Variants in GXYLT1 observed in about 807,000 individuals in gnomAD.
GXYLT1 encodes glucoside xylosyltransferase 1.
In GXYLT1, 29 loss-of-function variants were observed where a neutral mutation model predicts 54.0. That is an observed-to-expected ratio of 0.54 (90% CI 0.40 to 0.73). GXYLT1 has a LOEUF of 0.73. GXYLT1 is among the 30% of genes least tolerant of loss of function. GXYLT1 has a pLI of 0.00. For missense variants in GXYLT1, 490 were observed against 553.4 expected, an observed-to-expected ratio of 0.89 and a Z score of 1.15; for synonymous variants, 176 against 204.1, an observed-to-expected ratio of 0.86 and a Z score of 1.17.
At chr12:42,126,450 T>C (rs6582381) in intron 2 of GXYLT1, among the ~76,000 whole-genome samples, 78,996 of 151,910 alleles carry the variant, frequency 0.52, 20,979 homozygotes, top group South Asian at 0.7. Flanking sequence ...GCAGGGATTT[T>C]TGATTTTGTT....
intron 1 of GXYLT1, among the ~76,000 whole-genome samples, chr12:42,136,417 T>C (rs2065619604): frequency 6.6e-6 from 1 of 152,186 alleles, no homozygotes; most frequent in Admixed American, 6.5e-5. Context: ...AGCATTAATA[T>C]GAGTTAGGTG....
intron 1 of GXYLT1, among the ~76,000 whole-genome samples, chr12:42,142,207 G>GTA (rs2065655739): frequency 6.6e-6 from 1 of 152,124 alleles, no homozygotes; most frequent in African/African-American, 2.4e-5. Flanking sequence ...AAGAGCTCTT[G>GTA]TATAACACTC....
At chr12:42,095,661 T>A (rs2065351731) in intron 7 of GXYLT1, among the ~76,000 whole-genome samples, 1 of 152,172 alleles carries the variant, frequency 6.6e-6, no homozygotes, top group Admixed American at 6.5e-5. Flanking sequence ...AGATAACAGG[T>A]TACATCTGAG....
chr12:42,109,898 A>C (rs2065442792), intron 3 of GXYLT1, among the ~76,000 whole-genome samples: 1 of 152,228 alleles, frequency 6.6e-6, no homozygotes, highest in Admixed American at 6.5e-5. Context: ...AGACTTCCCC[A>C]TTAAGATCTG....
In GXYLT1 at chr12:42,144,532, C is replaced by T; in HGVS notation, c.115G>A (p.Gly39Arg). 1 of 1,307,170 alleles carries T rather than the reference C, an allele frequency of 7.7e-7. No individual in the cohort carries two copies. Among genetic ancestry groups the T allele is most frequent in the Admixed American group, 3.3e-5 (1 of 30,100 alleles). The allele number at this position is 1,307,170 out of a possible 1,614,324, so 81.0% of individuals were successfully genotyped here. ...GAAGCCACCGCGGCCTGCGGCTTCCCGCCACCGCCGCCCGTTCCTTCTTCC... is the reference window on the plus strand; with the variant it reads ...GAAGCCACCGCGGCCTGCGGCTTCCTGCCACCGCCGCCCGTTCCTTCTTCC... ...SLEEGTGGGGGKPQAAVASWL... is the reference protein window; with the variant it reads ...SLEEGTGGGGRKPQAAVASWL... Residue 39 changes from glycine (G) to arginine (R), a missense_variant, in exon 1 of 8, where the codon GGG becomes AGG. Transcript: ENST00000398675.
chr12:42,101,549 T>C (rs1158945416), intron 5 of GXYLT1, among the ~76,000 whole-genome samples: 2 of 151,894 alleles, frequency 1.3e-5, no homozygotes, highest in African/African-American at 4.8e-5. Flanking sequence ...TAAATGCTAA[T>C]GCACACCTAT....
chr12:42,106,743 CTTTTTTTTTTTT>C (rs1231770611), intron 4 of GXYLT1, among the ~76,000 whole-genome samples: 1 of 127,632 alleles, frequency 7.8e-6, no homozygotes, highest in Non-Finnish European at 1.7e-5. Flanking sequence ...TATTATTTTT[CTTTTTTTTTTTT>C]TTTTTTTTGA....
intron 3 of GXYLT1, 62 bp from the exon 4 acceptor site, chr12:42,109,753 A>G: frequency 9.2e-7 from 1 of 1,088,328 alleles, no homozygotes; most frequent in Non-Finnish European, 1.3e-6. Flanking sequence ...AAAATCATAA[A>G]ACAACAGATT....
rs1389060745 is a variant in GXYLT1, at chr12:42,082,257, G to A, written c.*5529C>T. 1 of 152,174 alleles carries A rather than the reference G, an allele frequency of 6.6e-6. No individual in the cohort carries two copies. Among genetic ancestry groups the A allele is most frequent in the African/African-American group, 2.4e-5 (1 of 41,444 alleles). The allele number at this position is 152,174 out of a possible 1,614,324, so 9.4% of individuals were successfully genotyped here. On this transcript the variant is annotated 3_prime_UTR_variant, in exon 8 of 8. Coordinates refer to ENST00000398675, the MANE Select transcript of GXYLT1 (RefSeq NM_173601.2). ...GGTGCAAACCACCATCCTCTTCACA[G>A]ATCTTCTGTTACGGCAACCATCAAA...
intron 7 of GXYLT1, among the ~76,000 whole-genome samples, chr12:42,096,895 C>CTA (rs1449768302): frequency 1.3e-5 from 2 of 152,042 alleles, no homozygotes; most frequent in Non-Finnish European, 2.9e-5. Flanking sequence ...ACATCACCAC[C>CTA]TATACAGAAT....
chr12:42,123,457 T>C (rs1400796238), intron 2 of GXYLT1, among the ~76,000 whole-genome samples: 1 of 152,182 alleles, frequency 6.6e-6, no homozygotes, highest in Non-Finnish European at 1.5e-5. Context: ...TTGTAACCTT[T>C]GCATATTTGA....
chr12:42,144,704 G>A lies in GXYLT1; in HGVS notation c.-58C>T. 1.7e-6 allele frequency: 2 copies of A among 1,154,620 alleles called. No individual in the cohort carries two copies. Among genetic ancestry groups the A allele is most frequent in the South Asian group, 1.7e-5 (1 of 58,324 alleles). The allele number at this position is 1,154,620 out of a possible 1,614,324, so 71.5% of individuals were successfully genotyped here. ...GCCGCGCCCGCCCCGACGAACTGGA[G>A]CGGAGGGAGGGGCACCGCGCAGCCG... On this transcript the variant is annotated 5_prime_UTR_variant, in exon 1 of 8. Transcript: ENST00000398675.
At chr12:42,137,479 G>A (rs953036089) in intron 1 of GXYLT1, among the ~76,000 whole-genome samples, 3 of 132,436 alleles carry the variant, frequency 2.3e-5, no homozygotes, top group South Asian at 5.0e-4. Flanking sequence ...TTGCACTCCC[G>A]CCTGGGCGAC....
chr12:42,107,762 G>A (rs2065429691), intron 4 of GXYLT1, among the ~76,000 whole-genome samples: 1 of 152,074 alleles, frequency 6.6e-6, no homozygotes, highest in Admixed American at 6.6e-5. Flanking sequence ...AGGGGTGGTG[G>A]AGTTAGAATT....
chr12:42,103,396 T>C (rs1040101199), intron 5 of GXYLT1, among the ~76,000 whole-genome samples: 1 of 152,234 alleles, frequency 6.6e-6, no homozygotes, highest in Non-Finnish European at 1.5e-5. Context: ...TGGCTGTACA[T>C]GGGTTAAGAA....
chr12:42,106,212 A>G (rs922113486), intron 4 of GXYLT1, 143 bp from the exon 5 acceptor site: 8 of 571,674 alleles, frequency 1.4e-5, no homozygotes, highest in African/African-American at 1.3e-4. Context: ...TAAATCTGTC[A>G]TTTTTAACAA....
intron 5 of GXYLT1, among the ~76,000 whole-genome samples, chr12:42,099,625 G>A (rs1158512124): frequency 2.6e-5 from 4 of 152,190 alleles, no homozygotes; most frequent in Admixed American, 6.5e-5. Flanking sequence ...GGCCGAGGCA[G>A]GCTGATCAGT....
chr12:42,109,683 G>A lies in GXYLT1; in HGVS notation c.495C>T (p.Asn165=). Residue 165 remains asparagine, a synonymous_variant, in exon 4 of 8, where the codon AAC becomes AAT. Transcript: ENST00000398675. ...AATTAAATGTTTGTAGAAATGACCA[G>A]TTGTCAAGCTAAAACAATTTAAAAA... ...LHHSFKGRLD[N]WSFLQTFNYT... 6.6e-7 allele frequency: 1 copy of A among 1,513,958 alleles called. No homozygotes were observed. Among genetic ancestry groups the A allele is most frequent in the Admixed American group, 2.0e-5 (1 of 49,504 alleles). The allele number at this position is 1,513,958 out of a possible 1,614,324, so 93.8% of individuals were successfully genotyped here.
intron 4 of GXYLT1, 69 bp from the exon 5 acceptor site, chr12:42,106,138 A>G: frequency 9.7e-7 from 1 of 1,028,688 alleles, no homozygotes; most frequent in East Asian, 2.5e-5. Flanking sequence ...AGCACCTCTA[A>G]TTGTGTAAGA....
Sources: allele counts gnomAD v4.1 joint callset (sites outside exome capture counted in the v4.1 genomes callset), GRCh38; gene constraint gnomAD v4.1.1; transcripts MANE v1.5; gene names NCBI Gene and HGNC (gene_info 2026-07-23, HGNC 2026-07-21).